Variants in GLIS3 observed in about 807,000 individuals in gnomAD.
GLIS3 encodes the protein zinc finger protein GLIS3.
A neutral mutation model predicts 78.6 loss-of-function variants in GLIS3; 53 were observed. The ratio of observed to expected loss-of-function variants is 0.67; its 90% CI spans 0.54 to 0.85. The LOEUF (loss-of-function observed/expected upper bound fraction) is 0.85, where lower values mean the gene tolerates loss of function less well. Ranked by LOEUF, GLIS3 falls within the 40% of genes least tolerant of loss-of-function variation. The probability of loss-of-function intolerance (pLI) is 0.00; values close to 1 mark genes in which losing one functional copy is unlikely to be tolerated. For synonymous variants in GLIS3, 684 were observed against 509.9 expected (o/e 1.34, Z -4.60); for missense variants, 1,703 against 1,231.1 (o/e 1.38, Z -5.74).
chr9:4,409,536 G>C, the GLIS3 span, among the ~76,000 whole-genome samples: 74,173 of 151,896 alleles, frequency 0.49, 18,438 homozygotes, highest in Admixed American at 0.55. Context: ...AGATGAACAC[G>C]CTTACTAGTA....
At chr9:4,291,888 T>G (rs757952079) in intron 1 of GLIS3, among the ~76,000 whole-genome samples, 17 of 152,300 alleles carry the variant, frequency 1.1e-4, no homozygotes, top group African/African-American at 4.1e-4. Flanking sequence ...CTACTTTCAC[T>G]AGTAATTATT....
At chr9:4,448,095 G>A in the GLIS3 span, among the ~76,000 whole-genome samples, 2 of 151,990 alleles carry the variant, frequency 1.3e-5, no homozygotes, top group African/African-American at 4.8e-5. Context: ...TCCTTGACTG[G>A]TACCGGTTAC....
chr9:4,303,244 A>G (rs1168267884), upstream of GLIS3, among the ~76,000 whole-genome samples: 1 of 136,022 alleles, frequency 7.4e-6, no homozygotes. Flanking sequence ...CACCAGTGAT[A>G]GTATGCCTAG....
chr9:4,038,881 G>A (rs4275268), intron 4 of GLIS3, among the ~76,000 whole-genome samples: 7 of 151,972 alleles, frequency 4.6e-5, no homozygotes, highest in Non-Finnish European at 4.4e-5. Context: ...ACTGGGCTCC[G>A]CATAACTCTG....
chr9:3,833,888 C>T (rs945528421), intron 9 of GLIS3, among the ~76,000 whole-genome samples: 10 of 152,252 alleles, frequency 6.6e-5, no homozygotes, highest in Admixed American at 1.3e-4. Flanking sequence ...TCCTCCTTCT[C>T]TCAGTTTTGG....
intron 4 of GLIS3, among the ~76,000 whole-genome samples, chr9:3,992,152 T>C (rs1438734101): frequency 6.6e-6 from 1 of 152,196 alleles, no homozygotes; most frequent in Non-Finnish European, 1.5e-5. Flanking sequence ...TCACAACAAA[T>C]GATGTTAGAA....
intron 2 of GLIS3, among the ~76,000 whole-genome samples, chr9:4,150,555 T>C (rs1425595124): frequency 6.6e-6 from 1 of 152,198 alleles, no homozygotes; most frequent in Non-Finnish European, 1.5e-5. Flanking sequence ...TATCGATTCC[T>C]CTTCCCATCT....
chr9:4,358,885 A>T, the GLIS3 span, among the ~76,000 whole-genome samples: 1 of 152,180 alleles, frequency 6.6e-6, no homozygotes, highest in Non-Finnish European at 1.5e-5. Flanking sequence ...AGTGTGGGCT[A>T]CCACTGCTGC....
chr9:4,029,645 C>T (rs1168823817), intron 4 of GLIS3, among the ~76,000 whole-genome samples: 1 of 151,944 alleles, frequency 6.6e-6, no homozygotes, highest in East Asian at 1.9e-4. Flanking sequence ...TTCTATTCTC[C>T]ATTTCCATGG....
chr9:4,367,475 G>C, the GLIS3 span, among the ~76,000 whole-genome samples: 1 of 151,556 alleles, frequency 6.6e-6, no homozygotes, highest in East Asian at 1.9e-4. Flanking sequence ...AATTTCCTTA[G>C]CTAACCACTC....
chr9:3,874,412 G>C (rs1292759547), intron 8 of GLIS3, among the ~76,000 whole-genome samples: 1 of 152,158 alleles, frequency 6.6e-6, no homozygotes, highest in African/African-American at 2.4e-5. Flanking sequence ...CTTTTCATTG[G>C]TATCCTTTAT....
At chr9:4,068,049 T>C (rs779265793) in intron 4 of GLIS3, among the ~76,000 whole-genome samples, 12 of 152,016 alleles carry the variant, frequency 7.9e-5, no homozygotes, top group African/African-American at 2.7e-4. Context: ...TCAAAAAACC[T>C]GCAACTAGTA....
At chr9:3,917,348 C>CAG (rs1824582883) in intron 6 of GLIS3, among the ~76,000 whole-genome samples, 1 of 152,144 alleles carries the variant, frequency 6.6e-6, no homozygotes, top group African/African-American at 2.4e-5. Context: ...CAGCTGAGGC[C>CAG]AAGTTAGGCA....
chr9:4,014,037 G>C (rs938391799), intron 4 of GLIS3, among the ~76,000 whole-genome samples: 1 of 152,102 alleles, frequency 6.6e-6, no homozygotes, highest in African/African-American at 2.4e-5. Flanking sequence ...AAAAATGAAA[G>C]GCAGACAAAT....
Position 4,161,823 on chromosome 9 carries a change from G to C in GLIS3, c.389-35882C>G, listed in dbSNP as rs553163701. Among the ~76,000 whole-genome samples the C allele has an allele frequency of 3.5e-4, 52 of 149,310 alleles. 1 individual carries two copies. Among genetic ancestry groups the C allele is most frequent in the Admixed American group, 4.1e-4 (6 of 14,806 alleles). ...GCCTCTCAAGTAGCTGGGATTACAGGTGCATGTCACACCCAGCTAATTTTT... is the reference window on the plus strand; with the variant it reads ...GCCTCTCAAGTAGCTGGGATTACAGCTGCATGTCACACCCAGCTAATTTTT... On this transcript the variant is annotated intron_variant, in intron 2 of 10. Coordinates refer to ENST00000381971, the MANE Select transcript of GLIS3 (RefSeq NM_001042413.2).
At chr9:3,832,311 A>T (rs1333726628) in intron 9 of GLIS3, among the ~76,000 whole-genome samples, 1 of 152,030 alleles carries the variant, frequency 6.6e-6, no homozygotes. Context: ...AAGTTTATTG[A>T]GGAAAATAAA....
At chr9:4,004,497 C>G (rs375704620) in intron 4 of GLIS3, among the ~76,000 whole-genome samples, 1 of 152,142 alleles carries the variant, frequency 6.6e-6, no homozygotes, top group East Asian at 1.9e-4. Flanking sequence ...AAAGGAGGAT[C>G]CAGCCAGATA....
intron 2 of GLIS3, among the ~76,000 whole-genome samples, chr9:4,252,606 T>G (rs1824504956): frequency 6.6e-6 from 1 of 152,146 alleles, no homozygotes; most frequent in South Asian, 2.1e-4. Context: ...GAAGCCTACT[T>G]CTGTTAATTC....
chr9:4,286,433 A>T lies in GLIS3; in HGVS notation c.-8T>A. On this transcript the variant is annotated 5_prime_UTR_variant, in exon 2 of 11. Coordinates refer to ENST00000381971, the MANE Select transcript of GLIS3 (RefSeq NM_001042413.2). ...GCATGATCTTCCATTCATTCTGAAA[A>T]ACCTGTGGCCAAGACGGTCAAATAT... is the stretch of plus-strand genomic sequence containing the variant. 3 of 1,613,770 alleles carry T rather than the reference A, an allele frequency of 1.9e-6. No individual in the cohort carries two copies. The highest frequency in any genetic ancestry group is 2.5e-6 in the Non-Finnish European group (3 of 1,180,040).
Sources: gnomAD v4.1 joint callset for allele counts (sites outside exome capture counted in the v4.1 genomes callset) on GRCh38, gnomAD v4.1.1 for gene constraint, MANE v1.5 for transcripts, NCBI Gene and HGNC (gene_info 2026-07-23, HGNC 2026-07-21) for gene names.